The following C2CD5 variants were observed in gnomAD, a reference collection of about 807,000 sequenced individuals.
C2CD5 encodes the protein C2 domain-containing protein 5.
C2CD5 carries 109 observed loss-of-function variants against 130.3 expected under a neutral mutation model. The observed-to-expected ratio is 0.84, with a 90% CI of 0.72 to 0.98. The LOEUF (loss-of-function observed/expected upper bound fraction) is 0.98, where lower values mean the gene tolerates loss of function less well. Among genes scored for constraint, C2CD5 ranks in the 50% least tolerant of loss-of-function variants. The pLI is 0.00. For synonymous variants in C2CD5, 454 were observed against 429.2 expected, an observed-to-expected ratio of 1.06 and a Z score of -0.71; for missense variants, 996 against 1,261.8, an observed-to-expected ratio of 0.79 and a Z score of 3.19.
chr12:22,492,377 T>A (rs1946465091), intron 11 of C2CD5, among the ~76,000 whole-genome samples: 1 of 151,978 alleles, frequency 6.6e-6, no homozygotes, highest in Admixed American at 6.6e-5. Flanking sequence ...AAACTAGATA[T>A]AAAAGAGCAA....
intron 2 of C2CD5, 90 bp downstream of exon 2, chr12:22,543,971 G>T: frequency 9.2e-6 from 9 of 975,318 alleles, no homozygotes; most frequent in Middle Eastern, 4.2e-4. Flanking sequence ...GTCGAGGGGG[G>T]AATAGGCTGA....
At chr12:22,472,515 G>A (rs1943201720) in intron 17 of C2CD5, 168 bp from the exon 18 acceptor site, 1 of 609,396 alleles carries the variant, frequency 1.6e-6, no homozygotes. Flanking sequence ...AATTATCACA[G>A]GTTTTTTTTT....
chr12:22,491,528 T>A (rs1591823308), intron 11 of C2CD5, among the ~76,000 whole-genome samples: 1 of 152,166 alleles, frequency 6.6e-6, no homozygotes, highest in Non-Finnish European at 1.5e-5. Context: ...TTATTTTACA[T>A]CATAATTATC....
At chr12:22,453,606 A>G (rs1472011751) in intron 26 of C2CD5, among the ~76,000 whole-genome samples, 4 of 152,192 alleles carry the variant, frequency 2.6e-5, no homozygotes, top group African/African-American at 4.8e-5. Context: ...TCAGTTAGCT[A>G]TCACTGTATT....
rs183185180 is a variant in C2CD5, at chr12:22,495,114, A to T, written c.1148-1777T>A. On this transcript the variant is annotated intron_variant, in intron 10 of 26. Transcript: ENST00000446597. ...TTTCCCAAAAAATTGCATGAAATAAAATTCTAACTTTTCTTAAACTCACTA... is the reference window on the plus strand; with the variant it reads ...TTTCCCAAAAAATTGCATGAAATAATATTCTAACTTTTCTTAAACTCACTA... 1.2e-3 allele frequency among the ~76,000 whole-genome samples: 188 copies of T among 152,250 alleles called. 1 individual carries two copies. The highest frequency in any genetic ancestry group is 4.3e-3 in the African/African-American group (180 of 41,574).
At chr12:22,484,000 A>C (rs974528518) in intron 13 of C2CD5, among the ~76,000 whole-genome samples, 4 of 152,152 alleles carry the variant, frequency 2.6e-5, no homozygotes, top group African/African-American at 7.2e-5. Flanking sequence ...ATATAAGTTG[A>C]TGAGTTCAAC....
At chr12:22,451,825 G>C (rs905248847) in intron 26 of C2CD5, among the ~76,000 whole-genome samples, 4 of 152,106 alleles carry the variant, frequency 2.6e-5, no homozygotes, top group African/African-American at 9.7e-5. Context: ...GGAAGACCTT[G>C]TATGACATAT....
chr12:22,495,224 A>G (rs1163080736), intron 10 of C2CD5, among the ~76,000 whole-genome samples: 1 of 152,096 alleles, frequency 6.6e-6, no homozygotes, highest in East Asian at 1.9e-4. Flanking sequence ...CTATGTTTTT[A>G]TAAGATTTTT....
At chr12:22,507,829 T>C (rs555087563) in intron 9 of C2CD5, among the ~76,000 whole-genome samples, 109 of 152,320 alleles carry the variant, frequency 7.2e-4, no homozygotes, top group African/African-American at 2.1e-3. Flanking sequence ...TCAAAAGAAC[T>C]GTTACGGTCT....
intron 10 of C2CD5, among the ~76,000 whole-genome samples, chr12:22,498,066 T>A (rs1377795781): frequency 6.6e-6 from 1 of 152,100 alleles, no homozygotes; most frequent in Non-Finnish European, 1.5e-5. Context: ...GAAAACCTTA[T>A]TAAAATACTG....
chr12:22,455,225 A>T (rs1939582082), intron 25 of C2CD5, among the ~76,000 whole-genome samples: 1 of 152,196 alleles, frequency 6.6e-6, no homozygotes, highest in Admixed American at 6.5e-5. Flanking sequence ...ATAGTTCAGT[A>T]TATTTTTTGA....
intron 25 of C2CD5, 30 bp downstream of exon 25, chr12:22,456,941 T>TA: frequency 7.0e-7 from 1 of 1,428,176 alleles, no homozygotes; most frequent in Non-Finnish European, 9.4e-7. Context: ...GAAAATTTTT[T>TA]AAAAAATGAA....
chr12:22,521,224 C>T (rs1201474800), intron 7 of C2CD5, among the ~76,000 whole-genome samples: 12 of 151,984 alleles, frequency 7.9e-5, no homozygotes, highest in Admixed American at 7.2e-4. Flanking sequence ...TACAATGAAG[C>T]CAGTTGAAAT....
intron 2 of C2CD5, among the ~76,000 whole-genome samples, chr12:22,541,378 C>A: frequency 6.6e-6 from 1 of 152,120 alleles, no homozygotes; most frequent in East Asian, 1.9e-4. Context: ...CCCTTCAATC[C>A]ATTCTCCATA....
chr12:22,530,076 C>CTA (rs918605281), intron 3 of C2CD5, among the ~76,000 whole-genome samples: 4,422 of 76,710 alleles, frequency 0.058, 112 homozygotes, highest in East Asian at 0.073. Flanking sequence ...TATTTGAGTG[C>CTA]TATATATATA....
chr12:22,452,738 C>G (rs1938976656), intron 26 of C2CD5, among the ~76,000 whole-genome samples: 2 of 152,300 alleles, frequency 1.3e-5, no homozygotes, highest in African/African-American at 4.8e-5. Flanking sequence ...AAGTACCCTT[C>G]TGAAGAAACT....
At position 22,506,723 on chromosome 12, in the gene C2CD5, T is replaced by C; in HGVS notation, c.1135A>G (p.Ile379Val). The C allele has an allele frequency of 6.4e-7, 1 of 1,569,974 alleles. No homozygotes were observed. The highest frequency in any genetic ancestry group is 8.8e-7 in the Non-Finnish European group (1 of 1,139,800). The change falls in exon 10 of 27, where the codon ATC becomes GTC. Residue 379 changes from isoleucine to valine, a missense_variant. Ile to Val is a conservative substitution (Grantham distance 29). This residue lies in a region of C2CD5 where 156 missense variants were observed against 165.9 expected (regional missense o/e 0.94). Coordinates refer to ENST00000446597, the MANE Select transcript of C2CD5 (RefSeq NM_001286176.2). ...SARSVKLLDR[I>V]HNPDEPETRD... Reference sequence around the variant, plus strand: ...TTTAAGAACATACCAGGATTGTGGATACGATCCAAAAGCTTCACAGAACGT... The same window carrying C: ...TTTAAGAACATACCAGGATTGTGGACACGATCCAAAAGCTTCACAGAACGT...
rs527246334 is a variant in C2CD5 at position 22,498,881 on chromosome 12, C to T, written c.1148-5544G>A. On this transcript the variant is annotated intron_variant, in intron 10 of 26. Transcript: ENST00000446597. ...AATAAACAATTACATTTTGATACCACGCTATATAACTTCTTTACTTCTTCT... is the reference window on the plus strand; with the variant it reads ...AATAAACAATTACATTTTGATACCATGCTATATAACTTCTTTACTTCTTCT... 3.3e-5 allele frequency among the ~76,000 whole-genome samples: 5 copies of T among 152,064 alleles called. No homozygotes were observed. In the South Asian group the frequency reaches 8.3e-4, roughly 25 times the overall value.
chr12:22,512,009 A>G (rs1396029113), intron 9 of C2CD5, among the ~76,000 whole-genome samples: 1 of 152,158 alleles, frequency 6.6e-6, no homozygotes, highest in Non-Finnish European at 1.5e-5. Context: ...GTCTTTTATT[A>G]TATTTGGTTT....
Sources: allele counts gnomAD v4.1 joint callset (sites outside exome capture counted in the v4.1 genomes callset), GRCh38; gene constraint gnomAD v4.1.1; regional missense constraint gnomAD v4.1.1; transcripts MANE v1.5; gene names NCBI Gene and HGNC (gene_info 2026-07-23, HGNC 2026-07-21).